Variants in CTNNA3 observed in about 807,000 individuals in gnomAD.
CTNNA3 encodes catenin alpha-3.
A neutral mutation model predicts 95.7 loss-of-function variants in CTNNA3; 76 were observed. That is an observed-to-expected ratio of 0.79 (90% CI 0.66 to 0.96). The LOEUF (loss-of-function observed/expected upper bound fraction) is 0.96, where lower values mean the gene tolerates loss of function less well. Ranked by LOEUF, CTNNA3 falls within the 40% of genes least tolerant of loss-of-function variation. The pLI is 0.00. For synonymous variants in CTNNA3, 431 were observed against 374.4 expected (o/e 1.15, Z -1.74); for missense variants, 1,191 against 1,089.8 (o/e 1.09, Z -1.31).
At chr10:66,163,330 G>A (rs564207203) in intron 13 of CTNNA3, among the ~76,000 whole-genome samples, 238 of 152,212 alleles carry the variant, frequency 1.6e-3, no homozygotes, top group African/African-American at 5.6e-3. Context: ...ATGGATCTCT[G>A]TGGTGCCAGG....
At chr10:66,906,599 T>C (rs193266389) in intron 7 of CTNNA3, among the ~76,000 whole-genome samples, 2 of 152,248 alleles carry the variant, frequency 1.3e-5, no homozygotes, top group South Asian at 2.1e-4. Context: ...AATTTTTCGA[T>C]ACAATATGAG....
chr10:66,989,427 A>G (rs1850919868), intron 7 of CTNNA3, among the ~76,000 whole-genome samples: 1 of 152,222 alleles, frequency 6.6e-6, no homozygotes, highest in African/African-American at 2.4e-5. Context: ...TAACAGAATT[A>G]GACTACTTTA....
chr10:66,091,830 T>C (rs1037065446), intron 14 of CTNNA3, among the ~76,000 whole-genome samples: 5 of 151,620 alleles, frequency 3.3e-5, no homozygotes, highest in Non-Finnish European at 1.5e-5. Context: ...AGCCAATTCC[T>C]TGAGGAAAAA....
chr10:66,848,251 T>C (rs139640473), intron 7 of CTNNA3, among the ~76,000 whole-genome samples: 9 of 152,284 alleles, frequency 5.9e-5, no homozygotes, highest in Non-Finnish European at 1.0e-4. Flanking sequence ...TTTGAGATAG[T>C]TACACATAAT....
intron 12 of CTNNA3, among the ~76,000 whole-genome samples, chr10:66,295,394 A>T (rs546324082): frequency 6.6e-6 from 1 of 152,298 alleles, no homozygotes; most frequent in South Asian, 2.1e-4. Context: ...AAGAAAGCTT[A>T]GTAGCAGAGA....
intron 9 of CTNNA3, among the ~76,000 whole-genome samples, chr10:66,718,351 T>C (rs1848519902): frequency 6.6e-6 from 1 of 152,080 alleles, no homozygotes; most frequent in Non-Finnish European, 1.5e-5. Flanking sequence ...GCTTGCGTCC[T>C]CTTCCCAAAA....
At position 67,543,663 on chromosome 10, in the gene CTNNA3, T is replaced by A. The variant is rs7083429; in HGVS notation, c.293-3994A>T. On this transcript the variant is annotated intron_variant, in intron 3 of 17. Transcript: ENST00000433211. ...TTAAGATTTCTAATATATGCATCTG[T>A]CCAAGTGATACAAATACATCATGGT... 4.0e-4 allele frequency among the ~76,000 whole-genome samples: 61 copies of A among 151,986 alleles called. No homozygotes were observed. In the East Asian group the frequency reaches 7.4e-3, roughly 18 times the overall value.
intron 10 of CTNNA3, among the ~76,000 whole-genome samples, chr10:66,608,916 A>G (rs1172508229): frequency 6.6e-6 from 1 of 152,184 alleles, no homozygotes; most frequent in Non-Finnish European, 1.5e-5. Context: ...AAGCAATTAC[A>G]ACAAAAGAAA....
At chr10:66,545,412 T>C (rs1589403811) in intron 10 of CTNNA3, among the ~76,000 whole-genome samples, 1 of 152,234 alleles carries the variant, frequency 6.6e-6, no homozygotes, top group South Asian at 2.1e-4. Context: ...TATTTTGTTG[T>C]TCCTTTTTTC....
intron 11 of CTNNA3, among the ~76,000 whole-genome samples, chr10:66,475,908 G>A (rs1839309319): frequency 6.6e-6 from 1 of 152,082 alleles, no homozygotes; most frequent in African/African-American, 2.4e-5. Flanking sequence ...AAAGACACAT[G>A]CATGCATATG....
At chr10:66,644,151 G>A (rs892905336) in intron 9 of CTNNA3, among the ~76,000 whole-genome samples, 17 of 151,748 alleles carry the variant, frequency 1.1e-4, no homozygotes, top group Non-Finnish European at 7.4e-5. Context: ...CTAGCTACTT[G>A]GCGGGGTTAA....
At chr10:66,916,701 G>A (rs1466911895) in intron 7 of CTNNA3, among the ~76,000 whole-genome samples, 1 of 152,162 alleles carries the variant, frequency 6.6e-6, no homozygotes, top group East Asian at 1.9e-4. Context: ...GAGACAAAGT[G>A]GAAATGAAAG....
intron 10 of CTNNA3, among the ~76,000 whole-genome samples, chr10:66,540,102 TTAC>T: frequency 6.6e-6 from 1 of 152,094 alleles, no homozygotes; most frequent in East Asian, 1.9e-4. Context: ...TATTACATCC[TTAC>T]TGTTATAAAC....
intron 12 of CTNNA3, among the ~76,000 whole-genome samples, chr10:66,296,144 A>C (rs2091773735): frequency 6.6e-6 from 1 of 152,202 alleles, no homozygotes; most frequent in South Asian, 2.1e-4. Context: ...ATAAATTCCA[A>C]ATCCACTGAG....
At chr10:66,007,874 C>T (rs1164253201) in intron 15 of CTNNA3, among the ~76,000 whole-genome samples, 3 of 150,268 alleles carry the variant, frequency 2.0e-5, no homozygotes, top group African/African-American at 7.3e-5. Flanking sequence ...TCCCCTCCTT[C>T]CTTCCTGGAA....
intron 7 of CTNNA3, among the ~76,000 whole-genome samples, chr10:67,068,618 CAAG>C (rs1856240309): frequency 6.6e-6 from 1 of 152,034 alleles, no homozygotes; most frequent in South Asian, 2.1e-4. Context: ...GAAAAAAAGA[CAAG>C]AAGAAAATGA....
At chr10:67,458,860 A>AAG (rs1847269301) in intron 5 of CTNNA3, among the ~76,000 whole-genome samples, 1 of 151,898 alleles carries the variant, frequency 6.6e-6, no homozygotes, top group Admixed American at 6.6e-5. Flanking sequence ...ATTACAATTC[A>AAG]AGATGAGATT....
chr10:67,017,882 GC>G (rs1311826224), intron 7 of CTNNA3, among the ~76,000 whole-genome samples: 1 of 152,034 alleles, frequency 6.6e-6, no homozygotes, highest in Non-Finnish European at 1.5e-5. Context: ...CGATTCTCCT[GC>G]CTCAGCCTCC....
At chr10:67,122,945 T>G (rs1179976717) in intron 7 of CTNNA3, among the ~76,000 whole-genome samples, 1 of 152,080 alleles carries the variant, frequency 6.6e-6, no homozygotes, top group Non-Finnish European at 1.5e-5. Flanking sequence ...ACAAATTGAT[T>G]GTTGTTTGTT....
Sources: allele counts gnomAD v4.1 joint callset (sites outside exome capture counted in the v4.1 genomes callset), GRCh38; gene constraint gnomAD v4.1.1; transcripts MANE v1.5; gene names NCBI Gene and HGNC (gene_info 2026-07-23, HGNC 2026-07-21).